Variants in VPS13B observed in about 807,000 individuals in gnomAD.
The protein encoded by VPS13B is intermembrane lipid transfer protein VPS13B.
In VPS13B, 285 loss-of-function variants were observed where a neutral mutation model predicts 426.4. The ratio of observed to expected loss-of-function variants is 0.67; its 90% CI spans 0.61 to 0.74. The LOEUF (loss-of-function observed/expected upper bound fraction) is 0.74. Ranked by LOEUF, VPS13B falls within the 30% of genes least tolerant of loss-of-function variation. VPS13B has a pLI of 0.00. For missense variants in VPS13B, 4,537 were observed against 4,782.6 expected (o/e 0.95, Z 1.51); for synonymous variants, 1,676 against 1,676.4 (o/e 1.00, Z 0.01).
chr8:99,551,688 C>T (rs1182470433), intron 30 of VPS13B, among the ~76,000 whole-genome samples: 1 of 151,840 alleles, frequency 6.6e-6, no homozygotes, highest in East Asian at 1.9e-4. Flanking sequence ...TCTTCTTCAA[C>T]AATACAAGAA....
intron 19 of VPS13B, among the ~76,000 whole-genome samples, chr8:99,362,100 A>G (rs1256307545): frequency 2.0e-5 from 3 of 150,558 alleles, no homozygotes; most frequent in Non-Finnish European, 4.4e-5. Flanking sequence ...TTTTTACTAA[A>G]TAAATGTTGA....
chr8:99,688,133 CTTTTTT>C (rs1307921649), intron 35 of VPS13B, among the ~76,000 whole-genome samples: 1 of 113,092 alleles, frequency 8.8e-6, no homozygotes. Flanking sequence ...TCCTTGCTTG[CTTTTTT>C]TTTTTTTTTT....
At chr8:99,318,124 C>G (rs3110403) in intron 19 of VPS13B, among the ~76,000 whole-genome samples, 111,785 of 152,100 alleles carry the variant, frequency 0.73, 41,819 homozygotes, top group South Asian at 0.87. Context: ...GCAAATTAAG[C>G]ATTCTTTTTG....
intron 21 of VPS13B, among the ~76,000 whole-genome samples, chr8:99,401,271 A>G (rs115399282): frequency 7.3e-4 from 111 of 152,288 alleles, no homozygotes; most frequent in African/African-American, 2.5e-3. Flanking sequence ...TTTTTATTCA[A>G]ATAAATTAGT....
intron 17 of VPS13B, among the ~76,000 whole-genome samples, chr8:99,273,945 C>G (rs777202700): frequency 6.6e-6 from 1 of 151,872 alleles, no homozygotes; most frequent in Admixed American, 6.6e-5. Flanking sequence ...AGTATTTGTG[C>G]ATTTACTTTT....
At chr8:99,307,178 C>T (rs940157081) in intron 19 of VPS13B, among the ~76,000 whole-genome samples, 17 of 151,990 alleles carry the variant, frequency 1.1e-4, no homozygotes, top group African/African-American at 3.4e-4. Flanking sequence ...AATTAGGGTT[C>T]TATATATGTA....
intron 16 of VPS13B, 50 bp from the exon 17 acceptor site, chr8:99,192,826 T>C: frequency 6.3e-7 from 1 of 1,595,550 alleles, no homozygotes. Context: ...TATTTTGTTG[T>C]CTGTAAATGC....
At chr8:99,089,226 T>G (rs1275740204) in intron 3 of VPS13B, among the ~76,000 whole-genome samples, 1 of 152,162 alleles carries the variant, frequency 6.6e-6, no homozygotes, top group Non-Finnish European at 1.5e-5. Context: ...GATTGAGATA[T>G]GAACATAATG....
In VPS13B at chr8:99,614,691, C is replaced by T. The variant is rs182649587; in HGVS notation, c.5221-27120C>T. Reference sequence around the variant, plus strand: ...TCCGGGTCATTTAGAAATAGTCCTACGTTATTTAATGATTTAAAACAGAAC... The same window carrying T: ...TCCGGGTCATTTAGAAATAGTCCTATGTTATTTAATGATTTAAAACAGAAC... On this transcript the variant is annotated intron_variant, in intron 33 of 61. Transcript: ENST00000357162. 3.5e-3 allele frequency among the ~76,000 whole-genome samples: 533 copies of T among 152,150 alleles called. 2 individuals carry two copies. Among genetic ancestry groups the T allele is most frequent in the African/African-American group, 0.012 (502 of 41,488 alleles).
At chr8:99,143,918 T>C (rs886364330) in intron 13 of VPS13B, among the ~76,000 whole-genome samples, 7 of 152,210 alleles carry the variant, frequency 4.6e-5, no homozygotes, top group Non-Finnish European at 1.0e-4. Flanking sequence ...GGGATAGTCA[T>C]ATGACTAGGT....
chr8:99,523,886 C>A (rs183891257), intron 30 of VPS13B, among the ~76,000 whole-genome samples: 5 of 152,190 alleles, frequency 3.3e-5, no homozygotes, highest in Admixed American at 3.3e-4. Context: ...GCTCACCAAA[C>A]AAACTAAATA....
At chr8:99,297,973 TAGAA>T (rs1211329360) in intron 19 of VPS13B, among the ~76,000 whole-genome samples, 1 of 152,230 alleles carries the variant, frequency 6.6e-6, no homozygotes, top group Non-Finnish European at 1.5e-5. Context: ...TTTTTACCAA[TAGAA>T]AGAAGGGCTG....
At chr8:99,405,677 GT>G (rs1322774973) in intron 21 of VPS13B, among the ~76,000 whole-genome samples, 1 of 152,032 alleles carries the variant, frequency 6.6e-6, no homozygotes, top group African/African-American at 2.4e-5. Context: ...GCTCTACACA[GT>G]TGAATCTTAT....
At chr8:99,872,690 T>G (rs764373006) in intron 61 of VPS13B, among the ~76,000 whole-genome samples, 1 of 152,310 alleles carries the variant, frequency 6.6e-6, no homozygotes, top group South Asian at 2.1e-4. Context: ...GGTGGATCAG[T>G]GGCAAACTGG....
At chr8:99,322,276 C>T (rs1260960066) in intron 19 of VPS13B, among the ~76,000 whole-genome samples, 1 of 152,128 alleles carries the variant, frequency 6.6e-6, no homozygotes, top group South Asian at 2.1e-4. Flanking sequence ...TACAAATGCT[C>T]TATGAAAATG....
chr8:99,594,348 T>G (rs749604704), intron 33 of VPS13B, among the ~76,000 whole-genome samples: 6 of 151,994 alleles, frequency 3.9e-5, no homozygotes, highest in African/African-American at 7.2e-5. Context: ...ATTGAGATAA[T>G]AATAGTCTTC....
chr8:99,408,276 G>A (rs925086363), intron 21 of VPS13B, among the ~76,000 whole-genome samples: 1 of 152,120 alleles, frequency 6.6e-6, no homozygotes, highest in African/African-American at 2.4e-5. Flanking sequence ...AAGTGTAGAA[G>A]GAGATAAGCC....
chr8:99,233,700 A>T (rs527844654), intron 17 of VPS13B: 11 of 789,976 alleles, frequency 1.4e-5, no homozygotes, highest in Admixed American at 1.2e-4. Flanking sequence ...CATATGCTCA[A>T]ATCCTGCAAG....
intron 18 of VPS13B, 84 bp downstream of exon 18, chr8:99,274,416 A>C: frequency 6.3e-7 from 1 of 1,596,524 alleles, no homozygotes; most frequent in Non-Finnish European, 8.6e-7. Flanking sequence ...TACTGAAACA[A>C]GAATTTACTC....
Sources: gnomAD v4.1 joint callset for allele counts (sites outside exome capture counted in the v4.1 genomes callset) on GRCh38, gnomAD v4.1.1 for gene constraint, MANE v1.5 for transcripts, NCBI Gene and HGNC (gene_info 2026-07-23, HGNC 2026-07-21) for gene names.